The following HERC2 variants were observed in gnomAD, a reference collection of about 807,000 sequenced individuals.
HERC2 encodes E3 ubiquitin-protein ligase HERC2.
A neutral mutation model predicts 537.7 loss-of-function variants in HERC2; 102 were observed. That is an observed-to-expected ratio of 0.19 (90% confidence interval 0.16 to 0.22). The LOEUF is 0.22. HERC2 is among the 10% of genes least tolerant of loss of function. The pLI is 1.00. For synonymous variants in HERC2, 2,224 were observed against 2,466.2 expected (o/e 0.90, Z 2.91); for missense variants, 4,236 against 6,198.2 (o/e 0.68, Z 10.63).
At chr15:28,275,638 A>G (rs967279755) in intron 5 of HERC2, among the ~76,000 whole-genome samples, 3 of 152,182 alleles carry the variant, frequency 2.0e-5, no homozygotes, top group African/African-American at 7.2e-5. Flanking sequence ...CATCCTGTAC[A>G]AGAGAGAAAA....
intron 63 of HERC2, among the ~76,000 whole-genome samples, chr15:28,175,857 C>T (rs1895236449): frequency 6.6e-6 from 1 of 152,122 alleles, no homozygotes; most frequent in Non-Finnish European, 1.5e-5. Context: ...AACCTTAATA[C>T]CTTAATACAT....
intron 15 of HERC2, among the ~76,000 whole-genome samples, chr15:28,261,792 A>T (rs2075421541): frequency 6.6e-6 from 1 of 152,204 alleles, no homozygotes; most frequent in African/African-American, 2.4e-5. Context: ...TGGGCGCACA[A>T]AACTCTCAGT....
chr15:28,162,102 G>GGTAGATCACTT (rs1893661756), intron 69 of HERC2, among the ~76,000 whole-genome samples: 2 of 152,164 alleles, frequency 1.3e-5, no homozygotes, highest in Non-Finnish European at 2.9e-5. Context: ...GGCCAAGGTG[G>GGTAGATCACTT]GTAGATCACT....
chr15:28,142,274 G>A lies in HERC2; in HGVS notation c.11664C>T (p.Asp3888=), dbSNP rs1335047684. Residue 3888 remains aspartate, a synonymous_variant, in exon 76 of 93, where the codon GAC becomes GAT. Coordinates refer to ENST00000261609, the MANE Select transcript of HERC2 (RefSeq NM_004667.6). ...ACAGACGGGGCAACGGTGTTCTTTT[G>A]TCAAGGGCCACAGCAACACGGGAGG... The part of the protein sequence containing the change: ...CMASRVAVAL[D]KRTPLPRLFL... 1 of 1,614,188 alleles carries A rather than the reference G, an allele frequency of 6.2e-7. No homozygotes were observed. The highest frequency in any genetic ancestry group is 8.5e-7 in the Non-Finnish European group (1 of 1,180,040).
chr15:28,235,583 T>G (rs1034148273), intron 26 of HERC2, among the ~76,000 whole-genome samples: 32 of 152,148 alleles, frequency 2.1e-4, no homozygotes, highest in Non-Finnish European at 4.4e-5. Context: ...AGAGCCCTGC[T>G]CCTCTCAGCA....
At chr15:28,301,085 A>ACAAAGATGAGCCTGTTTCCT (rs1168623255) in intron 2 of HERC2, among the ~76,000 whole-genome samples, 1 of 151,874 alleles carries the variant, frequency 6.6e-6, no homozygotes, top group Non-Finnish European at 1.5e-5. Flanking sequence ...GCCAGGGCAG[A>ACAAAGATGAGCCTGTTTCCT]CAAAGATGAG....
intron 65 of HERC2, among the ~76,000 whole-genome samples, chr15:28,171,019 T>A (rs1024546762): frequency 2.0e-5 from 3 of 152,214 alleles, no homozygotes; most frequent in African/African-American, 7.2e-5. Flanking sequence ...CCTCCACTGC[T>A]AATGAGAATA....
At chr15:28,238,545 T>C (rs1423363295) in intron 24 of HERC2, 57 bp downstream of exon 24, 1 of 1,403,018 alleles carries the variant, frequency 7.1e-7, no homozygotes, top group East Asian at 2.3e-5. Context: ...CCAAATACTC[T>C]GCTTAAAATG....
At chr15:28,121,311 G>A in intron 86 of HERC2, 35 bp downstream of exon 86, 1 of 1,578,536 alleles carries the variant, frequency 6.3e-7, no homozygotes, top group South Asian at 1.1e-5. Flanking sequence ...CACTTCTAAG[G>A]CTGTCAGACT....
chr15:28,196,942 G>T (rs1354016140), intron 50 of HERC2, among the ~76,000 whole-genome samples: 1 of 152,032 alleles, frequency 6.6e-6, no homozygotes, highest in Non-Finnish European at 1.5e-5. Flanking sequence ...GGTATCTCAG[G>T]GAATAAAAAC....
At chr15:28,180,533 T>G (rs77273635) in intron 57 of HERC2, among the ~76,000 whole-genome samples, 1 of 152,140 alleles carries the variant, frequency 6.6e-6, no homozygotes, top group Non-Finnish European at 1.5e-5. Flanking sequence ...GTTGGGGGAA[T>G]GGGAGGATAA....
chr15:28,219,707 G>C (rs1396535966), intron 37 of HERC2, among the ~76,000 whole-genome samples: 1 of 152,124 alleles, frequency 6.6e-6, no homozygotes, highest in Non-Finnish European at 1.5e-5. Flanking sequence ...CTAAGATCTC[G>C]TGCTCACTGA....
intron 69 of HERC2, among the ~76,000 whole-genome samples, chr15:28,153,718 C>A (rs1892695961): frequency 6.6e-6 from 1 of 152,200 alleles, no homozygotes; most frequent in African/African-American, 2.4e-5. Flanking sequence ...TATGTGCCAG[C>A]TGATAAAATG....
In HERC2 at chr15:28,111,782, T is replaced by A; in HGVS notation, c.14486A>T (p.Asp4829Val). The stretch of plus-strand genomic sequence containing the variant: ...CCCATCTTAGTGTCCTGTTAAATAA[T>A]CTTGTGTAGAGTCCGAAGCAAAGGA... ...VDSFASDSTQ[D>V]YLTGH is the part of the protein sequence containing the mutation. The change falls in exon 93 of 93, where the codon GAT (aspartate) becomes GTT (valine). Residue 4829 changes from aspartate to valine, a missense_variant. Physicochemically the swap from Asp to Val is radical, Grantham distance 152. Around this residue, in one of 27 missense-constraint regions of HERC2, gnomAD observed 313 missense variants for 462.6 expected, o/e 0.68. Transcript: ENST00000261609. 1 of 1,614,084 alleles carries A rather than the reference T, an allele frequency of 6.2e-7. No individual in the cohort carries two copies. The highest frequency in any genetic ancestry group is 8.5e-7 in the Non-Finnish European group (1 of 1,179,916).
intron 31 of HERC2, 151 bp from the exon 32 acceptor site, chr15:28,229,998 T>C (rs536467875): frequency 1.6e-5 from 11 of 684,498 alleles, no homozygotes; most frequent in Non-Finnish European, 2.3e-5. Context: ...GCTATAAATA[T>C]ACTTATAAGT....
chr15:28,208,989 GT>G (rs1205335175), intron 44 of HERC2, among the ~76,000 whole-genome samples: 1 of 152,138 alleles, frequency 6.6e-6, no homozygotes, highest in Admixed American at 6.5e-5. Context: ...ATCAAAAAAT[GT>G]TTTTTTCTAT....
At position 28,113,742 on chromosome 15, in the gene HERC2, C is replaced by A; in HGVS notation, c.13914-64G>T. The A allele has an allele frequency of 1.5e-6, 2 of 1,340,406 alleles. No individual in the cohort carries two copies. Among genetic ancestry groups the A allele is most frequent in the Non-Finnish European group, 1.1e-6 (1 of 942,748 alleles). The allele number at this position is 1,340,406 out of a possible 1,614,324, so 83.0% of individuals were successfully genotyped here. On this transcript the variant is annotated intron_variant, in intron 90 of 92. Transcript: ENST00000261609. The surrounding 1 kb of genome is among the most constrained non-coding windows in gnomAD (Gnocchi z 7.0). ...GACACTGACTTTATGCTGCTCACAC[C>A]AAGCCTTGGCATGCAGCACTGTGGC...
rs572448460 is a variant in HERC2, at chr15:28,318,349, G to A, written c.72+3013C>T. ...CAAGCAGAAAAGTGTTGAACAGGCC[G>A]GGCGCGGTGGCTCACGCCTATAATC... is the stretch of plus-strand genomic sequence containing the variant. On this transcript the variant is annotated intron_variant, in intron 2 of 92. Coordinates refer to ENST00000261609, the MANE Select transcript of HERC2 (RefSeq NM_004667.6). Among the ~76,000 whole-genome samples, 42 of 152,238 alleles carry A rather than the reference G, an allele frequency of 2.8e-4. 1 individual carries two copies. Among genetic ancestry groups the A allele is most frequent in the Middle Eastern group, 3.4e-3 (1 of 294 alleles).
At chr15:28,230,728 G>A (rs912293987) in intron 30 of HERC2, among the ~76,000 whole-genome samples, 3 of 151,638 alleles carry the variant, frequency 2.0e-5, no homozygotes, top group South Asian at 4.3e-4. Flanking sequence ...CGGGAAGCCC[G>A]GCAGCCAGCA....
Sources: gnomAD v4.1 joint callset for allele counts (sites outside exome capture counted in the v4.1 genomes callset) on GRCh38, gnomAD v4.1.1 for gene constraint, gnomAD v4.1.1 regional missense constraint, Gnocchi (gnomAD v3.1) non-coding constraint, MANE v1.5 for transcripts, NCBI Gene and HGNC (gene_info 2026-07-23, HGNC 2026-07-21) for gene names.